Variants in LRFN5 observed in about 807,000 individuals in gnomAD.
LRFN5 encodes the protein leucine-rich repeat and fibronectin type-III domain-containing protein 5.
In LRFN5, 24 loss-of-function variants were observed where a neutral mutation model predicts 45.6. The observed-to-expected ratio is 0.53, with a 90% CI of 0.38 to 0.74. The LOEUF is 0.74. Among genes scored for constraint, LRFN5 ranks in the 30% least tolerant of loss-of-function variants. The pLI is 0.00. For synonymous variants in LRFN5, 340 were observed against 313.8 expected, an observed-to-expected ratio of 1.08 and a Z score of -0.88; for missense variants, 776 against 861.5, an observed-to-expected ratio of 0.90 and a Z score of 1.24.
chr14:41,889,165 A>C (rs1384848062), intron 3 of LRFN5, among the ~76,000 whole-genome samples: 5 of 151,060 alleles, frequency 3.3e-5, no homozygotes, highest in South Asian at 4.2e-4. Flanking sequence ...AGATCAGATC[A>C]GTTCCTATGT....
At chr14:41,807,738 G>A (rs947883056) in intron 2 of LRFN5, among the ~76,000 whole-genome samples, 6 of 152,036 alleles carry the variant, frequency 3.9e-5, no homozygotes, top group African/African-American at 1.4e-4. Flanking sequence ...ATAGGTAGCA[G>A]TAGATTAATA....
chr14:41,760,108 C>G (rs931800684), intron 1 of LRFN5, among the ~76,000 whole-genome samples: 1 of 152,120 alleles, frequency 6.6e-6, no homozygotes, highest in African/African-American at 2.4e-5. Flanking sequence ...GTATTTGCTT[C>G]TATTTAGTTT....
intron 2 of LRFN5, among the ~76,000 whole-genome samples, chr14:41,816,890 A>G (rs1176930422): frequency 6.6e-6 from 1 of 151,366 alleles, no homozygotes; most frequent in Non-Finnish European, 1.5e-5. Flanking sequence ...TTCTTTTTCT[A>G]GAATTCCTGT....
At chr14:41,779,819 C>T (rs8008661) in intron 2 of LRFN5, among the ~76,000 whole-genome samples, 45,410 of 151,704 alleles carry the variant, frequency 0.3, 8,363 homozygotes, top group East Asian at 0.73. Flanking sequence ...ATATCAACTG[C>T]TCTTTAATTT....
intron 2 of LRFN5, among the ~76,000 whole-genome samples, chr14:41,870,453 G>A (rs1015514403): frequency 4.6e-5 from 7 of 152,106 alleles, no homozygotes; most frequent in East Asian, 1.9e-4. Context: ...TCATAATCAC[G>A]GCAGAAAGTA....
intron 1 of LRFN5, among the ~76,000 whole-genome samples, chr14:41,684,183 G>C (rs1011396897): frequency 1.3e-5 from 2 of 152,118 alleles, no homozygotes; most frequent in African/African-American, 2.4e-5. Flanking sequence ...ATACAATGAG[G>C]AAAGGACAGT....
At chr14:41,745,530 G>A (rs899848056) in intron 1 of LRFN5, among the ~76,000 whole-genome samples, 16 of 151,924 alleles carry the variant, frequency 1.1e-4, no homozygotes, top group Admixed American at 2.0e-4. Flanking sequence ...AAATAGTAAA[G>A]ATTGGAGCAG....
Position 41,886,763 on chromosome 14 carries a change from A to G in LRFN5, c.138A>G (p.Pro46=), listed in dbSNP as rs1450944085. ...CCAAGAAAGGGCTTTTATTTGTTCC[A>G]CCAAACATTGACAGAAGAACTGTGG... ...LCAKKGLLFV[P]PNIDRRTVEL... is the part of the protein sequence containing the mutation. The change falls in exon 3 of 6, where the codon CCA becomes CCG. Residue 46 remains proline (P), a synonymous_variant. Transcript: ENST00000298119. The G allele has an allele frequency of 1.9e-6, 3 of 1,614,094 alleles. No individual in the cohort carries two copies. In the Admixed American group the frequency reaches 5.0e-5, roughly 27 times the overall value.
chr14:41,875,526 C>G (rs990417281), intron 2 of LRFN5, among the ~76,000 whole-genome samples: 1 of 152,202 alleles, frequency 6.6e-6, no homozygotes, highest in African/African-American at 2.4e-5. Flanking sequence ...TAGGTGACAA[C>G]TCAAGCTATA....
At chr14:41,668,153 T>C (rs1226029560) in intron 1 of LRFN5, among the ~76,000 whole-genome samples, 1 of 152,180 alleles carries the variant, frequency 6.6e-6, no homozygotes, top group Non-Finnish European at 1.5e-5. Flanking sequence ...GATTGCTGTG[T>C]AGATATAGCC....
intron 2 of LRFN5, among the ~76,000 whole-genome samples, chr14:41,792,331 T>C (rs998955462): frequency 3.3e-5 from 5 of 152,026 alleles, no homozygotes; most frequent in African/African-American, 1.2e-4. Context: ...GCACGTATTA[T>C]CTTGATAAAC....
chr14:41,887,237 A>T lies in LRFN5; in HGVS notation c.612A>T (p.Ser204=), dbSNP rs1161630456. 1 of 1,614,218 alleles carries T rather than the reference A, an allele frequency of 6.2e-7. No homozygotes were observed. Among genetic ancestry groups the T allele is most frequent in the Non-Finnish European group, 8.5e-7 (1 of 1,180,044 alleles). ...LHKMTRLDVT[S]NKLQKLPPDP... is the part of the protein sequence containing the mutation. ...AGATGACTCGGTTAGATGTGACATC[A>T]AATAAATTGCAGAAGCTACCACCTG... Residue 204 remains serine (S), a synonymous_variant, in exon 3 of 6, where the codon TCA becomes TCT. Transcript: ENST00000298119. This position sits in a 1 kb window ranked among gnomAD's most constrained non-coding sequence, Gnocchi z 4.8.
At chr14:41,673,521 C>T (rs1215932676) in intron 1 of LRFN5, among the ~76,000 whole-genome samples, 2 of 144,112 alleles carry the variant, frequency 1.4e-5, no homozygotes, top group Admixed American at 6.8e-5. Context: ...TAGGGGCGGC[C>T]GGGCAGAGGC....
intron 1 of LRFN5, among the ~76,000 whole-genome samples, chr14:41,642,570 G>A (rs190359704): frequency 1.3e-5 from 2 of 152,188 alleles, no homozygotes; most frequent in African/African-American, 2.4e-5. Flanking sequence ...CCATTCTAAG[G>A]GCAAAATAGG....
intron 1 of LRFN5, among the ~76,000 whole-genome samples, chr14:41,644,315 T>TG (rs1372728444): frequency 6.6e-6 from 1 of 152,192 alleles, no homozygotes; most frequent in Non-Finnish European, 1.5e-5. Flanking sequence ...AGTTATAAAT[T>TG]GGTCGTTGAA....
In LRFN5 at chr14:41,892,068, G is replaced by A. The variant is rs1191364105; in HGVS notation, c.2098+106G>A. The A allele has an allele frequency of 8.1e-6, 12 of 1,486,608 alleles. No individual in the cohort carries two copies. In the East Asian group the frequency reaches 9.9e-5, roughly 12 times the overall value. 92.1% of individuals were successfully genotyped at this position (1,486,608 alleles called of 1,614,324 possible). Reference sequence around the variant, plus strand: ...TGTTATATTAACTCGCCGAACACATGTGGACTGTTTCCTAAAAGAAGCATG... The same window carrying A: ...TGTTATATTAACTCGCCGAACACATATGGACTGTTTCCTAAAAGAAGCATG... On this transcript the variant is annotated intron_variant, in intron 4 of 5. Coordinates refer to ENST00000298119, the MANE Select transcript of LRFN5 (RefSeq NM_152447.5).
chr14:41,823,256 T>C (rs1019800582), intron 2 of LRFN5, among the ~76,000 whole-genome samples: 1 of 152,050 alleles, frequency 6.6e-6, no homozygotes, highest in African/African-American at 2.4e-5. Context: ...TCATTTTTTT[T>C]TATGACAGTG....
At chr14:41,840,432 T>A (rs1186780591) in intron 2 of LRFN5, among the ~76,000 whole-genome samples, 1 of 152,082 alleles carries the variant, frequency 6.6e-6, no homozygotes, top group South Asian at 2.1e-4. Context: ...AACAGTGCCA[T>A]GGAATGACTT....
intron 4 of LRFN5, chr14:41,894,375 G>T: frequency 1.2e-6 from 1 of 861,838 alleles, no homozygotes; most frequent in Non-Finnish European, 1.4e-6. Context: ...GATTTATTTT[G>T]TTTGACTAAC....
Sources: gnomAD v4.1 joint callset for allele counts (sites outside exome capture counted in the v4.1 genomes callset) on GRCh38, gnomAD v4.1.1 for gene constraint, Gnocchi (gnomAD v3.1) non-coding constraint, MANE v1.5 for transcripts, NCBI Gene and HGNC (gene_info 2026-07-23, HGNC 2026-07-21) for gene names.